The following CELSR2 variants were observed in gnomAD, a reference collection of about 807,000 sequenced individuals.
CELSR2 encodes EGF-like protein 2.
A neutral mutation model predicts 251.6 loss-of-function variants in CELSR2; 81 were observed. That is an observed-to-expected ratio of 0.32 (90% CI 0.27 to 0.39). The LOEUF (loss-of-function observed/expected upper bound fraction) is 0.39. Ranked by LOEUF, CELSR2 falls within the 10% of genes least tolerant of loss-of-function variation. CELSR2 has a pLI of 1.00. For missense variants in CELSR2, 3,365 were observed against 3,947.7 expected (o/e 0.85, Z 3.96); for synonymous variants, 1,721 against 1,670.5 (o/e 1.03, Z -0.74).
intron 1 of CELSR2, 112 bp from the exon 2 acceptor site, chr1:109,258,320 C>T (rs1655917973): frequency 2.8e-6 from 2 of 709,898 alleles, no homozygotes; most frequent in African/African-American, 1.8e-5. Context: ...ACATACCTGG[C>T]TCAGCACCCT....
At chr1:109,272,803 G>A in intron 30 of CELSR2, 30 bp from the exon 31 acceptor site, 1 of 1,613,060 alleles carries the variant, frequency 6.2e-7, no homozygotes, top group Non-Finnish European at 8.5e-7. Context: ...AGGTGGCTGG[G>A]CTGGCTGTGA....
intron 1 of CELSR2, among the ~76,000 whole-genome samples, chr1:109,254,266 AG>A (rs1384846885): frequency 6.6e-6 from 1 of 150,986 alleles, no homozygotes; most frequent in African/African-American, 2.4e-5. Context: ...GTGAGCTTTG[AG>A]GGCAGAGACC....
Position 109,262,037 on chromosome 1 carries a change from C to T in CELSR2, c.4386+141C>T, listed in dbSNP as rs1389104309. On this transcript the variant is annotated intron_variant, in intron 5 of 33. Transcript: ENST00000271332. ...GAGGAAGGGAGCGGCTGGGAAGGTG[C>T]CACCTTGCTGGGCATTCCCACCCCA... The T allele has an allele frequency of 2.8e-6, 3 of 1,067,216 alleles. No homozygotes were observed. The Admixed American group carries it at 6.3e-5, about 22-fold the overall frequency. The allele number at this position is 1,067,216 out of a possible 1,614,324, so 66.1% of individuals were successfully genotyped here. A position where few individuals can be genotyped will look rare whatever the true frequency, so the allele number is the denominator to read the frequency against.
chr1:109,265,964 G>C, intron 14 of CELSR2, 46 bp downstream of exon 14: 1 of 1,593,130 alleles, frequency 6.3e-7, no homozygotes, highest in Non-Finnish European at 8.6e-7. Context: ...CAGTGTGCTA[G>C]GCACCTGCAC....
Position 109,269,328 on chromosome 1 carries a change from G to A in CELSR2, c.6812+38G>A. ...GGGACAGGTGTGGGTAGGGGTATGG[G>A]TCGGGCGGTGAGTGCTGAGGCATGG... On this transcript the variant is annotated intron_variant, in intron 20 of 33. Coordinates refer to ENST00000271332, the MANE Select transcript of CELSR2 (RefSeq NM_001408.3). The surrounding 1 kb of genome is among the most constrained non-coding windows in gnomAD (Gnocchi z 6.4). 6.2e-7 allele frequency: 1 copy of A among 1,611,812 alleles called. No homozygotes were observed. Among genetic ancestry groups the A allele is most frequent in the Non-Finnish European group, 8.5e-7 (1 of 1,179,410 alleles).
chr1:109,273,282 T>A lies in CELSR2; in HGVS notation c.8455T>A (p.Ser2819Thr), dbSNP rs369894815. The A allele has an allele frequency of 2.5e-6, 4 of 1,605,854 alleles. No individual in the cohort carries two copies. The highest frequency in any genetic ancestry group is 3.4e-6 in the Non-Finnish European group (4 of 1,175,822). The change falls in exon 32 of 34, where the codon TCT becomes ACT. Residue 2819 changes from serine to threonine, a missense_variant. Physicochemically the swap from Ser to Thr is moderately conservative, Grantham distance 58. Around this residue, in one of 5 missense-constraint regions of CELSR2, gnomAD observed 2,093 missense variants for 2,382.8 expected, o/e 0.88. Transcript: ENST00000271332. ...ERLRENGDAL[S>T]REGSLGPLPG... ...GCTGCGGGAGAATGGAGATGCCCTG[T>A]CTCGAGAGGGGTCCCTAGGCCCCCT...
chr1:109,258,435 G>T lies in CELSR2; in HGVS notation c.3314G>T (p.Gly1105Val). ...EAIMSVLVSD[G>V]VHSVTAQCAL... ...CTGACTGTGTCCCTCTCCACAGACG[G>T]CGTACACAGCGTGACCGCCCAGTGC... is the stretch of plus-strand genomic sequence containing the variant. Residue 1105 changes from glycine to valine, a missense_variant, in exon 2 of 34, where the codon GGC becomes GTC. Around this residue, in one of 5 missense-constraint regions of CELSR2, gnomAD observed 505 missense variants for 660.0 expected, o/e 0.77. Transcript: ENST00000271332. The T allele has an allele frequency of 6.3e-7, 1 of 1,578,480 alleles. No homozygotes were observed. Among genetic ancestry groups the T allele is most frequent in the Non-Finnish European group, 8.6e-7 (1 of 1,159,686 alleles).
rs779547406 is a variant in CELSR2 at position 109,250,691 on chromosome 1, G to A, written c.612G>A (p.Arg204=). The part of the protein sequence containing the change: ...QPAGTPVASL[R]AIDPDEGEAG... ...CAGGCACCCCTGTTGCATCCCTGAGGGCCATCGACCCGGACGAGGGTGAGG... is the reference window on the plus strand; with the variant it reads ...CAGGCACCCCTGTTGCATCCCTGAGAGCCATCGACCCGGACGAGGGTGAGG... The change falls in exon 1 of 34, where the codon AGG becomes AGA. Residue 204 remains arginine (R), a synonymous_variant. Coordinates refer to ENST00000271332, the MANE Select transcript of CELSR2 (RefSeq NM_001408.3). The surrounding 1 kb of genome is among the most constrained non-coding windows in gnomAD (Gnocchi z 4.4). 14 of 1,614,056 alleles carry A rather than the reference G, an allele frequency of 8.7e-6. No homozygotes were observed. In the South Asian group the frequency reaches 1.5e-4, roughly 18 times the overall value.
chr1:109,264,207 G>A lies in CELSR2; in HGVS notation c.5131G>A (p.Gly1711Arg). ...HAQLALGASG[G>R]PGHAILSFDY... ...ACAGCTGGCACTGGGAGCCAGCGGG[G>A]GGCCCGGCCATGCCATTCTGTCCTT... The change falls in exon 10 of 34, where the codon GGG becomes AGG. Residue 1711 changes from glycine (G) to arginine (R), a missense_variant. This residue lies in a region of CELSR2 where 2,093 missense variants were observed against 2,382.8 expected (regional missense o/e 0.88). Coordinates refer to ENST00000271332, the MANE Select transcript of CELSR2 (RefSeq NM_001408.3). 6.2e-7 allele frequency: 1 copy of A among 1,613,476 alleles called. No homozygotes were observed. The highest frequency in any genetic ancestry group is 1.3e-5 in the African/African-American group (1 of 75,058).
At position 109,250,887 on chromosome 1, in the gene CELSR2, A is replaced by C. The variant is rs746313119; in HGVS notation, c.808A>C (p.Ser270Arg). Residue 270 changes from serine (S) to arginine (R), a missense_variant, in exon 1 of 34, where the codon AGT becomes CGT. Transcript: ENST00000271332. The surrounding 1 kb of genome is among the most constrained non-coding windows in gnomAD (Gnocchi z 4.4). ...TAQDHGMPRRSALATLTILVT... is the reference protein window; with the variant it reads ...TAQDHGMPRRRALATLTILVT... ...GCAGGACCACGGCATGCCCCGACGAAGTGCCCTGGCTACACTCACCATCTT... is the reference window on the plus strand; with the variant it reads ...GCAGGACCACGGCATGCCCCGACGACGTGCCCTGGCTACACTCACCATCTT... 1 of 1,613,998 alleles carries C rather than the reference A, an allele frequency of 6.2e-7. No individual in the cohort carries two copies. The highest frequency in any genetic ancestry group is 8.5e-7 in the Non-Finnish European group (1 of 1,180,034).
intron 1 of CELSR2, among the ~76,000 whole-genome samples, chr1:109,256,448 CT>C (rs1655848839): frequency 6.6e-6 from 1 of 152,200 alleles, no homozygotes; most frequent in Non-Finnish European, 1.5e-5. Context: ...TGGGGGTCTG[CT>C]TTCAGCCTTC....
chr1:109,255,505 G>A (rs1473154388), intron 1 of CELSR2, among the ~76,000 whole-genome samples: 2 of 152,188 alleles, frequency 1.3e-5, no homozygotes, highest in Admixed American at 6.5e-5. Flanking sequence ...GCTCAGACAC[G>A]CAGCAGCTCC....
chr1:109,269,282 C>T lies in CELSR2; in HGVS notation c.6804C>T (p.Arg2268=), dbSNP rs376471182. 3 of 1,613,286 alleles carry T rather than the reference C, an allele frequency of 1.9e-6. No homozygotes were observed. Among genetic ancestry groups the T allele is most frequent in the Non-Finnish European group, 2.5e-6 (3 of 1,179,972 alleles). ...CTCATAACTATGACCCTGACAAGCG[C>T]AGCTTGAGGTCAGCAGCTAGGGGAC... is the stretch of plus-strand genomic sequence containing the variant. The part of the protein sequence containing the change: ...LLPHNYDPDK[R]SLRVPKRPII... Residue 2268 remains arginine, a synonymous_variant, in exon 20 of 34, where the codon CGC becomes CGT. Coordinates refer to ENST00000271332, the MANE Select transcript of CELSR2 (RefSeq NM_001408.3). This position sits in a 1 kb window ranked among gnomAD's most constrained non-coding sequence, Gnocchi z 6.4.
rs759353620 is a variant in CELSR2 at position 109,269,869 on chromosome 1, A to G, written c.7107+49A>G. 2.0e-5 allele frequency: 32 copies of G among 1,613,182 alleles called. No individual in the cohort carries two copies. The highest frequency in any genetic ancestry group is 1.9e-4 in the South Asian group (17 of 91,074). ...AGAGCCGTGGGTGGGCACCCAGGGC[A>G]CGGGGCTGGGTGCTCAGGTCCTGCC... On this transcript the variant is annotated intron_variant, in intron 22 of 33. Transcript: ENST00000271332. The surrounding 1 kb of genome is among the most constrained non-coding windows in gnomAD (Gnocchi z 6.4).
At chr1:109,265,494 G>A (rs1656160927) in intron 13 of CELSR2, among the ~76,000 whole-genome samples, 183 bp downstream of exon 13, 1 of 152,216 alleles carries the variant, frequency 6.6e-6, no homozygotes, top group South Asian at 2.1e-4. Flanking sequence ...GGGACCCTGG[G>A]CCAATGTGTA....
Position 109,274,508 on chromosome 1 carries a change from C to T in CELSR2, c.*459C>T, listed in dbSNP as rs781515151. On this transcript the variant is annotated 3_prime_UTR_variant, in exon 34 of 34. Coordinates refer to ENST00000271332, the MANE Select transcript of CELSR2 (RefSeq NM_001408.3). ...AGAGGGACTCCTGGGGGGCCTGCCC[C>T]TCATACGCCATCACCAAAAGGAAAG... 10 of 195,380 alleles carry T rather than the reference C, an allele frequency of 5.1e-5. No individual in the cohort carries two copies. Among genetic ancestry groups the T allele is most frequent in the Admixed American group, 1.1e-4 (2 of 18,418 alleles). The allele number at this position is 195,380 out of a possible 1,614,324, so 12.1% of individuals were successfully genotyped here.
chr1:109,260,891 G>C, intron 2 of CELSR2, 151 bp from the exon 3 acceptor site: 1 of 625,240 alleles, frequency 1.6e-6, no homozygotes, highest in South Asian at 2.0e-5. Context: ...AGAGAAGATG[G>C]CACACGAGAG....
Position 109,250,367 on chromosome 1 carries a change from A to G in CELSR2, c.288A>G (p.Glu96=), listed in dbSNP as rs779753083. Residue 96 remains glutamate, a synonymous_variant, in exon 1 of 34, where the codon GAA becomes GAG. Coordinates refer to ENST00000271332, the MANE Select transcript of CELSR2 (RefSeq NM_001408.3). This position sits in a 1 kb window ranked among gnomAD's most constrained non-coding sequence, Gnocchi z 4.4. ...HHDGLRVWCP[E]SEAHIPLPPA... is the part of the protein sequence containing the mutation. ...ATGGCCTGAGGGTTTGGTGTCCAGA[A>G]TCCGAGGCCCATATTCCCCTACCAC... is the stretch of plus-strand genomic sequence containing the variant. 3 of 1,613,394 alleles carry G rather than the reference A, an allele frequency of 1.9e-6. No homozygotes were observed. The highest frequency in any genetic ancestry group is 2.5e-6 in the Non-Finnish European group (3 of 1,179,998).
Position 109,269,470 on chromosome 1 carries a change from G to C in CELSR2, c.6859G>C (p.Val2287Leu), listed in dbSNP as rs141489111. The change falls in exon 21 of 34, where the codon GTC becomes CTC. Residue 2287 changes from valine (V) to leucine (L), a missense_variant. Val to Leu is a conservative substitution (Grantham distance 32). Coordinates refer to ENST00000271332, the MANE Select transcript of CELSR2 (RefSeq NM_001408.3). This position sits in a 1 kb window ranked among gnomAD's most constrained non-coding sequence, Gnocchi z 6.4. ...IINTPVVSIS[V>L]HDDEELLPRA... ...CAACACACCCGTGGTGAGCATCAGC[G>C]TCCATGATGATGAGGAGCTTCTGCC... 55 of 1,613,938 alleles carry C rather than the reference G, an allele frequency of 3.4e-5. No individual in the cohort carries two copies. In the African/African-American group the frequency reaches 7.2e-4, roughly 21 times the overall value.
Sources: gnomAD v4.1 joint callset for allele counts (sites outside exome capture counted in the v4.1 genomes callset) on GRCh38, gnomAD v4.1.1 for gene constraint, gnomAD v4.1.1 regional missense constraint, Gnocchi (gnomAD v3.1) non-coding constraint, MANE v1.5 for transcripts, NCBI Gene and HGNC (gene_info 2026-07-23, HGNC 2026-07-21) for gene names.